The following SLC13A1 variants were observed in gnomAD, a reference collection of about 807,000 sequenced individuals.
The protein encoded by SLC13A1 is Na(+)/sulfate cotransporter.
In SLC13A1, 65 loss-of-function variants were observed where a neutral mutation model predicts 70.0. The observed-to-expected ratio is 0.93, with a 90% CI of 0.76 to 1.14. SLC13A1 has a LOEUF of 1.14. SLC13A1 is among the 50% of genes most tolerant of loss of function. SLC13A1 has a pLI of 0.00. For synonymous variants in SLC13A1, 275 were observed against 250.5 expected, an observed-to-expected ratio of 1.10 and a Z score of -0.92; for missense variants, 726 against 717.8, an observed-to-expected ratio of 1.01 and a Z score of -0.13.
intron 8 of SLC13A1, among the ~76,000 whole-genome samples, chr7:123,134,071 G>T (rs1457502767): frequency 6.6e-6 from 1 of 151,820 alleles, no homozygotes; most frequent in Non-Finnish European, 1.5e-5. Flanking sequence ...GTTTTTGGTA[G>T]AGACAGAGTT....
intron 2 of SLC13A1, 105 bp downstream of exon 2, chr7:123,180,868 G>T: frequency 8.0e-7 from 1 of 1,251,624 alleles, no homozygotes; most frequent in Non-Finnish European, 1.1e-6. Flanking sequence ...GACTTATGTG[G>T]AACCTTACCA....
chr7:123,116,041 G>A (rs1419734202), intron 14 of SLC13A1, among the ~76,000 whole-genome samples: 1 of 152,196 alleles, frequency 6.6e-6, no homozygotes, highest in Non-Finnish European at 1.5e-5. Flanking sequence ...GCCATTTCAT[G>A]TTAAAGCAGA....
intron 2 of SLC13A1, 115 bp downstream of exon 2, chr7:123,180,858 G>A (rs28364184): frequency 1.7e-5 from 18 of 1,082,116 alleles, no homozygotes; most frequent in South Asian, 3.3e-5. Context: ...AAGTTTGGGG[G>A]ACTTATGTGG....
intron 2 of SLC13A1, among the ~76,000 whole-genome samples, chr7:123,176,042 A>T (rs953753417): frequency 6.6e-6 from 1 of 152,232 alleles, no homozygotes; most frequent in Non-Finnish European, 1.5e-5. Context: ...TCAATGAATG[A>T]CTATGGATTT....
chr7:123,193,435 A>T (rs1390777020), intron 1 of SLC13A1, among the ~76,000 whole-genome samples: 2 of 152,308 alleles, frequency 1.3e-5, no homozygotes, highest in East Asian at 1.9e-4. Context: ...TCAGCAGTCT[A>T]AAACAGCCAA....
At chr7:123,120,618 AC>A (rs1793344334) in intron 12 of SLC13A1, among the ~76,000 whole-genome samples, 1 of 151,976 alleles carries the variant, frequency 6.6e-6, no homozygotes, top group South Asian at 2.1e-4. Context: ...CATGAGAAAT[AC>A]TCTAATTACA....
At chr7:123,184,712 C>T (rs1795745461) in intron 1 of SLC13A1, among the ~76,000 whole-genome samples, 1 of 151,652 alleles carries the variant, frequency 6.6e-6, no homozygotes, top group Admixed American at 6.6e-5. Context: ...TTTCTTTATC[C>T]ATTCATCTGT....
intron 7 of SLC13A1, among the ~76,000 whole-genome samples, chr7:123,140,732 C>A (rs942334253): frequency 6.6e-6 from 1 of 152,044 alleles, no homozygotes; most frequent in South Asian, 2.1e-4. Context: ...ATAGTCACTA[C>A]TAATGATCCT....
chr7:123,177,583 G>T (rs529995785), intron 2 of SLC13A1, among the ~76,000 whole-genome samples: 1 of 152,080 alleles, frequency 6.6e-6, no homozygotes, highest in South Asian at 2.1e-4. Context: ...CTCCTTTTTA[G>T]TTACTCTTTT....
chr7:123,183,770 C>A (rs1352498287), intron 1 of SLC13A1, among the ~76,000 whole-genome samples: 1 of 152,150 alleles, frequency 6.6e-6, no homozygotes, highest in Non-Finnish European at 1.5e-5. Context: ...ACATCCTTTT[C>A]CAGACCTTCC....
chr7:123,134,441 T>C lies in SLC13A1; in HGVS notation c.901A>G (p.Ile301Val), dbSNP rs1284984193. ...CCTAGGAAAAGCCACTGAAGCCAGA[T>C]CCAGGATAAGAGTAGAATGATAAGG... ...AALIILLLSW[I>V]WLQWLFLGFN... The change falls in exon 8 of 15, where the codon ATC becomes GTC. Residue 301 changes from isoleucine to valine, a missense_variant. Ile to Val is a conservative substitution (Grantham distance 29). Transcript: ENST00000194130. 6.2e-7 allele frequency: 1 copy of C among 1,613,186 alleles called. No individual in the cohort carries two copies. Among genetic ancestry groups the C allele is most frequent in the African/African-American group, 1.3e-5 (1 of 74,868 alleles).
intron 2 of SLC13A1, among the ~76,000 whole-genome samples, chr7:123,172,784 T>G (rs1795316891): frequency 6.6e-6 from 1 of 151,240 alleles, no homozygotes; most frequent in African/African-American, 2.5e-5. Flanking sequence ...TACATTTAGG[T>G]ACATAATCTT....
intron 1 of SLC13A1, among the ~76,000 whole-genome samples, chr7:123,189,289 A>G (rs955158073): frequency 5.3e-5 from 8 of 151,726 alleles, no homozygotes; most frequent in Non-Finnish European, 1.2e-4. Flanking sequence ...GAATGAGCTC[A>G]TTTTTGCCTA....
rs185369226 is a variant in SLC13A1 at position 123,168,094 on chromosome 7, A to G, written c.660+280T>C. Among the ~76,000 whole-genome samples, 180 of 152,298 alleles carry G rather than the reference A, an allele frequency of 1.2e-3. 3 individuals carry two copies. The highest frequency in any genetic ancestry group is 0.01 in the Admixed American group (156 of 15,288). ...AGCAATATTCTGAGACTGGAATTATATTTCTTTAAACTACCTTGGCTAACT... is the reference window on the plus strand; with the variant it reads ...AGCAATATTCTGAGACTGGAATTATGTTTCTTTAAACTACCTTGGCTAACT... On this transcript the variant is annotated intron_variant, in intron 6 of 14. Coordinates refer to ENST00000194130, the MANE Select transcript of SLC13A1 (RefSeq NM_022444.4).
intron 12 of SLC13A1, 75 bp from the exon 13 acceptor site, chr7:123,119,317 A>C (rs1793294427): frequency 1.9e-6 from 2 of 1,027,250 alleles, no homozygotes; most frequent in Non-Finnish European, 2.8e-6. Context: ...TCCATAAAAA[A>C]ACATTATTTC....
intron 7 of SLC13A1, among the ~76,000 whole-genome samples, chr7:123,140,663 A>G (rs147153833): frequency 7.7e-4 from 117 of 152,118 alleles, no homozygotes; most frequent in African/African-American, 2.7e-3. Context: ...TAGATTGTAC[A>G]TGGCTAGGAA....
At chr7:123,119,775 A>G (rs1793311393) in intron 12 of SLC13A1, among the ~76,000 whole-genome samples, 1 of 128,756 alleles carries the variant, frequency 7.8e-6, no homozygotes, top group South Asian at 2.6e-4. Context: ...CTCTTACACC[A>G]TCTACCAAAC....
chr7:123,161,966 T>C (rs761499405), intron 6 of SLC13A1, among the ~76,000 whole-genome samples: 1 of 152,024 alleles, frequency 6.6e-6, no homozygotes, highest in Non-Finnish European at 1.5e-5. Flanking sequence ...TACAGGCATA[T>C]ATGCATGAAA....
chr7:123,159,545 A>T (rs770019450), intron 6 of SLC13A1, among the ~76,000 whole-genome samples: 6 of 152,168 alleles, frequency 3.9e-5, no homozygotes, highest in Non-Finnish European at 5.9e-5. Context: ...AAAATATAAC[A>T]GATTTGTATT....
Sources: gnomAD v4.1 joint callset for allele counts (sites outside exome capture counted in the v4.1 genomes callset) on GRCh38, gnomAD v4.1.1 for gene constraint, MANE v1.5 for transcripts, NCBI Gene and HGNC (gene_info 2026-07-23, HGNC 2026-07-21) for gene names.